MBNL2: variants seen among roughly 807,000 people sequenced by gnomAD.
MBNL2 encodes the protein muscleblind-like protein 2.
Under a neutral mutation model 41.9 loss-of-function variants are expected in MBNL2, and 17 were observed. That is an observed-to-expected ratio of 0.41 (90% CI 0.28 to 0.61). MBNL2 has a LOEUF of 0.61. MBNL2 is among the 20% of genes least tolerant of loss of function. The pLI, the probability that MBNL2 is intolerant of heterozygous loss-of-function variation, is 0.35. For synonymous variants in MBNL2, 195 were observed against 182.9 expected, an observed-to-expected ratio of 1.07 and a Z score of -0.53; for missense variants, 336 against 505.6, an observed-to-expected ratio of 0.66 and a Z score of 3.22.
At chr13:97,330,775 C>T (rs2060368467) in intron 2 of MBNL2, among the ~76,000 whole-genome samples, 1 of 152,140 alleles carries the variant, frequency 6.6e-6, no homozygotes, top group Non-Finnish European at 1.5e-5. Context: ...TTCACTGTGT[C>T]AAATAGCTTG....
chr13:97,334,196 T>TA lies in MBNL2; in HGVS notation c.175-78dup. On this transcript the variant is annotated intron_variant, in intron 2 of 8. Transcript: ENST00000679496. The surrounding 1 kb of genome is among the most constrained non-coding windows in gnomAD (Gnocchi z 5.3). ...CACACAGGATCCTTGCTTTTGTGCA[T>TA]AAGAAGTGATTGTTCAGTGGTTGAC... The TA allele has an allele frequency of 8.9e-7, 1 of 1,117,946 alleles. No individual in the cohort carries two copies. Among genetic ancestry groups the TA allele is most frequent in the Non-Finnish European group, 1.3e-6 (1 of 765,920 alleles). The allele number at this position is 1,117,946 out of a possible 1,614,324, so 69.3% of individuals were successfully genotyped here. A position where few individuals can be genotyped will look rare whatever the true frequency, so the allele number is the denominator to read the frequency against.
the MBNL2 span, among the ~76,000 whole-genome samples, chr13:97,207,246 T>C: frequency 3.9e-5 from 6 of 152,228 alleles, no homozygotes; most frequent in African/African-American, 1.4e-4. Flanking sequence ...GCATTATTTA[T>C]TGAACTTGTT....
At chr13:97,168,687 GAGA>G in the MBNL2 span, among the ~76,000 whole-genome samples, 1 of 152,136 alleles carries the variant, frequency 6.6e-6, no homozygotes, top group South Asian at 2.1e-4. Flanking sequence ...GCATAATGAA[GAGA>G]TACCAATATA....
intron 5 of MBNL2, among the ~76,000 whole-genome samples, chr13:97,356,061 G>A (rs2062954864): frequency 6.6e-6 from 1 of 152,146 alleles, no homozygotes; most frequent in Non-Finnish European, 1.5e-5. Context: ...ATACAAGTGG[G>A]GAATTCTGGA....
chr13:97,303,924 AAATTAGGCAT>A (rs1279871923), intron 2 of MBNL2, among the ~76,000 whole-genome samples: 2 of 152,208 alleles, frequency 1.3e-5, no homozygotes, highest in Admixed American at 1.3e-4. Context: ...CCCAGGGTAT[AAATTAGGCAT>A]AATTGGATAT....
intron 2 of MBNL2, among the ~76,000 whole-genome samples, chr13:97,301,199 T>C (rs908580380): frequency 6.6e-6 from 1 of 152,128 alleles, no homozygotes; most frequent in Non-Finnish European, 1.5e-5. Flanking sequence ...GGGAATGGAG[T>C]GAACACTTAT....
At chr13:97,362,149 T>C (rs1036102799) in intron 7 of MBNL2, among the ~76,000 whole-genome samples, 2 of 152,116 alleles carry the variant, frequency 1.3e-5, no homozygotes, top group African/African-American at 4.8e-5. Context: ...TTTGGATTTT[T>C]TTTTCAGATT....
rs145289818 is a variant in MBNL2, at chr13:97,342,858, G to T, written c.340-158G>T. Among the ~76,000 whole-genome samples the T allele has an allele frequency of 9.7e-4, 147 of 152,086 alleles. No individual in the cohort carries two copies. The Middle Eastern group carries it at 0.01, about 11-fold the overall frequency. ...TTTCTGTATGGTTTGGGGAAGAGAG[G>T]GTCTACATGGATGTCATTTTTATTA... is the stretch of plus-strand genomic sequence containing the variant. On this transcript the variant is annotated intron_variant, in intron 3 of 8. Coordinates refer to ENST00000679496, the MANE Select transcript of MBNL2 (RefSeq NM_001382683.1).
chr13:97,151,755 C>A, the MBNL2 span, among the ~76,000 whole-genome samples: 1 of 152,070 alleles, frequency 6.6e-6, no homozygotes, highest in African/African-American at 2.4e-5. Context: ...TTGTTTGATG[C>A]CCATGTTTAA....
chr13:97,241,677 A>G (rs754619921), intron 1 of MBNL2, among the ~76,000 whole-genome samples: 5 of 152,228 alleles, frequency 3.3e-5, no homozygotes, highest in African/African-American at 4.8e-5. Context: ...ACATATGCAT[A>G]AACATTGCAC....
At chr13:97,360,140 A>G (rs2063287837) in intron 7 of MBNL2, among the ~76,000 whole-genome samples, 1 of 152,210 alleles carries the variant, frequency 6.6e-6, no homozygotes. Flanking sequence ...TTAAATGAAC[A>G]GATTTTGATT....
chr13:97,351,784 G>T (rs57825267), intron 5 of MBNL2, among the ~76,000 whole-genome samples: 5 of 152,114 alleles, frequency 3.3e-5, no homozygotes, highest in Non-Finnish European at 7.3e-5. Context: ...AGCACTTTGC[G>T]GGGCAGAGGT....
At chr13:97,326,365 G>A (rs2059912744) in intron 2 of MBNL2, among the ~76,000 whole-genome samples, 1 of 152,032 alleles carries the variant, frequency 6.6e-6, no homozygotes, top group African/African-American at 2.4e-5. Flanking sequence ...TCCATATAAT[G>A]GAAGCAACAG....
chr13:97,187,593 TAAAAAA>T, the MBNL2 span, among the ~76,000 whole-genome samples: 13 of 51,492 alleles, frequency 2.5e-4, no homozygotes, highest in East Asian at 6.0e-4. Flanking sequence ...CTATGCAGCT[TAAAAAA>T]AAAAAAAAAA....
At chr13:97,292,843 C>G (rs942967579) in intron 2 of MBNL2, among the ~76,000 whole-genome samples, 22 of 151,700 alleles carry the variant, frequency 1.5e-4, no homozygotes, top group African/African-American at 5.3e-4. Context: ...TTTATTTCAC[C>G]AAGATTTTCA....
At chr13:97,199,175 C>A in the MBNL2 span, among the ~76,000 whole-genome samples, 3 of 152,170 alleles carry the variant, frequency 2.0e-5, no homozygotes, top group Admixed American at 2.0e-4. Context: ...TTCTCTCTTC[C>A]TAGATACTGG....
chr13:97,176,065 T>C, the MBNL2 span, among the ~76,000 whole-genome samples: 1 of 152,190 alleles, frequency 6.6e-6, no homozygotes. Flanking sequence ...GAAGAATCTG[T>C]AGAAGCTTCT....
At chr13:97,365,087 GT>G in intron 7 of MBNL2, 48 bp from the exon 8 acceptor site, 1 of 1,275,570 alleles carries the variant, frequency 7.8e-7, no homozygotes, top group Non-Finnish European at 1.1e-6. Context: ...CCGCTAACCT[GT>G]TTCTTTCCCT....
chr13:97,365,595 T>C (rs1004938296), intron 8 of MBNL2, among the ~76,000 whole-genome samples: 5 of 152,362 alleles, frequency 3.3e-5, no homozygotes, highest in African/African-American at 9.6e-5. Context: ...AAGTATTCAT[T>C]TTTTACAAAT....
Sources: allele counts gnomAD v4.1 joint callset (sites outside exome capture counted in the v4.1 genomes callset), GRCh38; gene constraint gnomAD v4.1.1; non-coding constraint Gnocchi (gnomAD v3.1); transcripts MANE v1.5; gene names NCBI Gene and HGNC (gene_info 2026-07-23, HGNC 2026-07-21).